Variants in FAM13A observed in about 807,000 individuals in gnomAD.
FAM13A encodes the protein family with sequence similarity 13 member A.
In FAM13A, 76 loss-of-function variants were observed where a neutral mutation model predicts 129.6. That is an observed-to-expected ratio of 0.59 (90% confidence interval 0.49 to 0.71). FAM13A has a LOEUF of 0.71. FAM13A is among the 30% of genes least tolerant of loss of function. FAM13A has a pLI of 0.00. For synonymous variants in FAM13A, 443 were observed against 449.9 expected (o/e 0.98, Z 0.20); for missense variants, 1,108 against 1,249.3 (o/e 0.89, Z 1.70).
intron 1 of FAM13A, among the ~76,000 whole-genome samples, chr4:89,031,608 C>T (rs1362679897): frequency 2.6e-5 from 4 of 152,174 alleles, no homozygotes; most frequent in Non-Finnish European, 5.9e-5. Flanking sequence ...AATCCTTTTC[C>T]TTCTCCTCCT....
chr4:88,770,137 A>C (rs373843079), intron 11 of FAM13A, among the ~76,000 whole-genome samples: 2 of 152,360 alleles, frequency 1.3e-5, no homozygotes, highest in South Asian at 2.1e-4. Context: ...TAATTTTAGA[A>C]TGGATCTGAG....
chr4:88,749,607 A>T (rs945755895), intron 16 of FAM13A, among the ~76,000 whole-genome samples, 164 bp downstream of exon 16: 2 of 152,112 alleles, frequency 1.3e-5, no homozygotes, highest in Admixed American at 1.3e-4. Flanking sequence ...CTGATACATA[A>T]TGACTGGGGT....
intron 22 of FAM13A, 86 bp downstream of exon 22, chr4:88,731,916 A>G (rs896871978): frequency 9.3e-7 from 1 of 1,075,186 alleles, no homozygotes; most frequent in African/African-American, 1.6e-5. Context: ...TTTATCAGCT[A>G]ATTTATTTAG....
At chr4:88,772,912 C>A (rs1420966948) in intron 11 of FAM13A, among the ~76,000 whole-genome samples, 1 of 152,072 alleles carries the variant, frequency 6.6e-6, no homozygotes, top group Non-Finnish European at 1.5e-5. Context: ...AGAAAGGAAT[C>A]CTAGATGTGT....
At chr4:88,851,260 GAC>G in intron 6 of FAM13A, 77 bp from the exon 7 acceptor site, 2 of 1,297,504 alleles carry the variant, frequency 1.5e-6, no homozygotes, top group Non-Finnish European at 2.1e-6. Flanking sequence ...TATGATAAAA[GAC>G]AATTTATTCC....
chr4:88,954,573 C>T (rs770808164), intron 4 of FAM13A, among the ~76,000 whole-genome samples: 1 of 152,100 alleles, frequency 6.6e-6, no homozygotes, highest in Non-Finnish European at 1.5e-5. Context: ...GAATACAAAA[C>T]AGAAATATGT....
chr4:88,781,058 A>G, intron 11 of FAM13A, 107 bp downstream of exon 11: 2 of 674,536 alleles, frequency 3.0e-6, no homozygotes, highest in Non-Finnish European at 4.8e-6. Flanking sequence ...GGTCTCTTCC[A>G]GCACTCAAAA....
At chr4:88,764,171 C>T (rs1485925446) in intron 13 of FAM13A, among the ~76,000 whole-genome samples, 3 of 151,890 alleles carry the variant, frequency 2.0e-5, no homozygotes, top group Admixed American at 1.3e-4. Context: ...TTTTTTGAAG[C>T]AGGATAAGAA....
chr4:88,838,398 A>G (rs1482615621), intron 7 of FAM13A, among the ~76,000 whole-genome samples: 2 of 152,232 alleles, frequency 1.3e-5, no homozygotes, highest in Non-Finnish European at 2.9e-5. Flanking sequence ...ATTGAGAATG[A>G]TATCTGTAGA....
chr4:88,791,827 G>A (rs1725228693), intron 8 of FAM13A, among the ~76,000 whole-genome samples: 1 of 151,956 alleles, frequency 6.6e-6, no homozygotes, highest in Non-Finnish European at 1.5e-5. Flanking sequence ...GAATCTCAAG[G>A]CCTCAAGGGA....
intron 6 of FAM13A, among the ~76,000 whole-genome samples, chr4:88,899,313 T>A (rs1183300703): frequency 6.6e-6 from 1 of 151,866 alleles, no homozygotes; most frequent in Non-Finnish European, 1.5e-5. Flanking sequence ...GGGATAAGAA[T>A]GATACAATGG....
chr4:88,992,437 A>G (rs1763035645), intron 3 of FAM13A, among the ~76,000 whole-genome samples: 1 of 151,934 alleles, frequency 6.6e-6, no homozygotes, highest in Non-Finnish European at 1.5e-5. Context: ...TGCCCGGCTA[A>G]TTTTTGTATT....
At chr4:88,939,935 G>A (rs1032610678) in intron 4 of FAM13A, among the ~76,000 whole-genome samples, 3 of 152,044 alleles carry the variant, frequency 2.0e-5, no homozygotes, top group Non-Finnish European at 2.9e-5. Flanking sequence ...CCCCAAACTC[G>A]AGCCTTTAGA....
chr4:89,024,565 G>A (rs188719977), intron 2 of FAM13A, among the ~76,000 whole-genome samples: 61 of 152,212 alleles, frequency 4.0e-4, no homozygotes, highest in African/African-American at 1.4e-3. Context: ...ACCTATGATT[G>A]AATTACATGA....
intron 11 of FAM13A, among the ~76,000 whole-genome samples, chr4:88,769,980 C>T (rs1388838780): frequency 1.3e-5 from 2 of 152,016 alleles, no homozygotes; most frequent in African/African-American, 2.4e-5. Flanking sequence ...GTTATAATAT[C>T]TCCAAGATAT....
rs1744232929 is a variant in FAM13A, at chr4:88,758,854, T to C, written c.1626A>G (p.Lys542=). The C allele has an allele frequency of 6.2e-7, 1 of 1,614,040 alleles. No individual in the cohort carries two copies. ...IQEHPSLSDT[K]QQRNQDAGDQ... ...CACCGGCATCTTGATTTCTCTGCTG[T>C]TTGGTGTCAGATAGGCTGGGATGCT... The change falls in exon 14 of 24, where the codon AAA becomes AAG. Residue 542 remains lysine, a synonymous_variant. Coordinates refer to ENST00000264344, the MANE Select transcript of FAM13A (RefSeq NM_014883.4).
At chr4:88,830,705 C>T (rs1466401621) in intron 7 of FAM13A, among the ~76,000 whole-genome samples, 2 of 152,104 alleles carry the variant, frequency 1.3e-5, no homozygotes, top group Non-Finnish European at 2.9e-5. Context: ...CCAAATGGCT[C>T]ACAGTGTTCA....
intron 7 of FAM13A, among the ~76,000 whole-genome samples, chr4:88,846,923 A>G (rs1010909689): frequency 1.3e-5 from 2 of 152,238 alleles, no homozygotes; most frequent in Admixed American, 6.5e-5. Flanking sequence ...AGAGCTTCAT[A>G]ATTTCATTTT....
chr4:88,732,296 A>G (rs1738002750), intron 21 of FAM13A, 98 bp from the exon 22 acceptor site: 3 of 837,330 alleles, frequency 3.6e-6, no homozygotes, highest in Non-Finnish European at 5.6e-6. Context: ...ATCAGACTCC[A>G]TATAGTTTCT....
Sources: gnomAD v4.1 joint callset for allele counts (sites outside exome capture counted in the v4.1 genomes callset) on GRCh38, gnomAD v4.1.1 for gene constraint, MANE v1.5 for transcripts, NCBI Gene and HGNC (gene_info 2026-07-23, HGNC 2026-07-21) for gene names.